STARD8: variants seen among roughly 807,000 people sequenced by gnomAD.
STARD8 encodes the protein stAR-related lipid transfer protein 8.
STARD8 carries 25 observed loss-of-function variants against 69.4 expected under a neutral mutation model. That is an observed-to-expected ratio of 0.36 (90% CI 0.26 to 0.50). The LOEUF (loss-of-function observed/expected upper bound fraction) is 0.50. Ranked by LOEUF, STARD8 falls within the 20% of genes least tolerant of loss-of-function variation. The pLI, the probability that STARD8 is intolerant of heterozygous loss-of-function variation, is 0.96. For missense variants in STARD8, 921 were observed against 932.5 expected, an observed-to-expected ratio of 0.99 and a Z score of 0.16; for synonymous variants, 389 against 374.6, an observed-to-expected ratio of 1.04 and a Z score of -0.45.
At chrX:68,672,721 C>A (rs116472318) in intron 2 of STARD8, among the ~76,000 whole-genome samples, 3 of 111,133 alleles carry the variant, frequency 2.7e-5, no homozygotes, top group Non-Finnish European at 3.8e-5. Context: ...GCGCCCCACC[C>A]CCCATGGCAG....
Position 68,647,765 on chromosome X carries a change from C to A in STARD8, c.-118C>A. ...CCCCTCGCGGGGCCGGCTCATGGAG[C>A]GCAGGGACCGGGCTGGCTCTCGCCG... On this transcript the variant is annotated 5_prime_UTR_variant, in exon 1 of 15. Transcript: ENST00000374599. The A allele has an allele frequency of 1.1e-6, 1 of 932,414 alleles. No homozygotes were observed. Among genetic ancestry groups the A allele is most frequent in the Non-Finnish European group, 1.5e-6 (1 of 682,468 alleles). The allele number at this position is 932,414 out of a possible 1,213,427, so 76.8% of individuals were successfully genotyped here. A position where few individuals can be genotyped will look rare whatever the true frequency, so the allele number is the denominator to read the frequency against.
chrX:68,661,905 CCTT>C, intron 1 of STARD8, among the ~76,000 whole-genome samples: 1 of 98,405 alleles, frequency 1.0e-5, no homozygotes, highest in Non-Finnish European at 2.0e-5. Context: ...TTCCTTCCTT[CCTT>C]CCTTCCTTCC....
At chrX:68,703,934 C>T (rs1280269765) in intron 2 of STARD8, among the ~76,000 whole-genome samples, 2 of 111,724 alleles carry the variant, frequency 1.8e-5, no homozygotes, top group Non-Finnish European at 3.8e-5. Flanking sequence ...TGGTTTCTGT[C>T]CTAGGGCAAG....
intron 2 of STARD8, among the ~76,000 whole-genome samples, chrX:68,676,271 C>A (rs1330771154): frequency 9.0e-6 from 1 of 111,700 alleles, no homozygotes; most frequent in Non-Finnish European, 1.9e-5. Flanking sequence ...TGGCCCGGCT[C>A]GCCTGAAAAT....
At chrX:68,716,893 G>A (rs1424211229) in intron 5 of STARD8, among the ~76,000 whole-genome samples, 2 of 112,561 alleles carry the variant, frequency 1.8e-5, no homozygotes, top group Non-Finnish European at 3.7e-5. Flanking sequence ...GGGAAGGTCT[G>A]TCACTGACTT....
intron 2 of STARD8, among the ~76,000 whole-genome samples, chrX:68,683,882 C>T (rs895309893): frequency 5.4e-5 from 6 of 111,924 alleles, no homozygotes; most frequent in Non-Finnish European, 7.5e-5. Flanking sequence ...TGATTACCAC[C>T]GTTATATATG....
In STARD8 at chrX:68,717,423, C is replaced by G; in HGVS notation, c.509C>G (p.Ala170Gly). ...VITVSLPPEPADLPLPGRAPS... is the reference protein window; with the variant it reads ...VITVSLPPEPGDLPLPGRAPS... ...ACCGTGAGCCTACCACCCGAGCCAG[C>G]AGACTTGCCCTTGCCAGGCCGTGCC... is the stretch of plus-strand genomic sequence containing the variant. The change falls in exon 6 of 15, where the codon GCA becomes GGA. Residue 170 changes from alanine to glycine, a missense_variant. Coordinates refer to ENST00000374599, the MANE Select transcript of STARD8 (RefSeq NM_001142503.3). 8.3e-7 allele frequency: 1 copy of G among 1,210,224 alleles called. No individual in the cohort carries two copies. The highest frequency in any genetic ancestry group is 1.1e-6 in the Non-Finnish European group (1 of 894,901).
intron 2 of STARD8, among the ~76,000 whole-genome samples, chrX:68,665,909 G>A (rs1390174957): frequency 2.7e-5 from 3 of 112,217 alleles, no homozygotes; most frequent in African/African-American, 9.7e-5. Flanking sequence ...GGTAAGTGGA[G>A]GGTAAAGGAA....
chrX:68,712,991 G>T lies in STARD8; in HGVS notation c.151+6G>T. On this transcript the variant is annotated splice_donor_region_variant and intron_variant, in intron 3 of 14. Transcript: ENST00000374599. Reference sequence around the variant, plus strand: ...GTATGTGCAGCTTTTTGAAGGTAAGGCCACTCAACTGTTTACCCTCCCATA... The same window carrying T: ...GTATGTGCAGCTTTTTGAAGGTAAGTCCACTCAACTGTTTACCCTCCCATA... 1 of 1,200,232 alleles carries T rather than the reference G, an allele frequency of 8.3e-7. No individual in the cohort carries two copies. Among genetic ancestry groups the T allele is most frequent in the East Asian group, 3.0e-5 (1 of 33,618 alleles).
At position 68,718,330 on chromosome X, in the gene STARD8, T is replaced by C. The variant is rs777940404; in HGVS notation, c.1416T>C (p.Ala472=). 2.7e-5 allele frequency: 33 copies of C among 1,209,705 alleles called. No individual in the cohort carries two copies. Among genetic ancestry groups the C allele is most frequent in the Non-Finnish European group, 3.6e-5 (32 of 894,546 alleles). The change falls in exon 6 of 15, where the codon GCT becomes GCC. Residue 472 remains alanine, a synonymous_variant. Transcript: ENST00000374599. ...PAVLAPAQAP[A]EAEPVAQEEA... The stretch of plus-strand genomic sequence containing the variant: ...TCCTGGCTCCGGCTCAGGCTCCAGC[T>C]GAGGCTGAACCAGTGGCACAGGAAG...
intron 2 of STARD8, among the ~76,000 whole-genome samples, chrX:68,679,219 C>T (rs1037593933): frequency 1.8e-5 from 2 of 111,449 alleles, no homozygotes; most frequent in African/African-American, 6.5e-5. Context: ...AAATTGAATC[C>T]TATGTGACAC....
At chrX:68,683,470 C>G (rs1479601297) in intron 2 of STARD8, among the ~76,000 whole-genome samples, 1 of 112,064 alleles carries the variant, frequency 8.9e-6, no homozygotes, top group Non-Finnish European at 1.9e-5. Context: ...TTCTCAGTGA[C>G]TAAGGGCCTA....
chrX:68,683,136 G>A (rs1359520808), intron 2 of STARD8, among the ~76,000 whole-genome samples: 1 of 112,032 alleles, frequency 8.9e-6, no homozygotes, highest in East Asian at 2.8e-4. Flanking sequence ...TGCCCTCAAG[G>A]AGCTGATCTT....
chrX:68,716,373 T>C lies in STARD8; in HGVS notation c.239T>C (p.Leu80Pro). Reference protein sequence around the residue: ...EDSLGALCRRLMTLNNCASMK... With the variant: ...EDSLGALCRRPMTLNNCASMK... The stretch of plus-strand genomic sequence containing the variant: ...ACACTTCCATTTTGTTACAGGAGGC[T>C]GATGACCTTGAATAATTGTGCCTCG... The change falls in exon 5 of 15, where the codon CTG (leucine) becomes CCG (proline). Residue 80 changes from leucine (L) to proline (P), a missense_variant. Physicochemically the swap from Leu to Pro is moderately conservative, Grantham distance 98. Coordinates refer to ENST00000374599, the MANE Select transcript of STARD8 (RefSeq NM_001142503.3). 8.3e-7 allele frequency: 1 copy of C among 1,210,833 alleles called. No individual in the cohort carries two copies. The highest frequency in any genetic ancestry group is 1.7e-5 in the African/African-American group (1 of 57,755).
At chrX:68,706,839 C>G (rs903290615) in intron 2 of STARD8, among the ~76,000 whole-genome samples, 1 of 113,192 alleles carries the variant, frequency 8.8e-6, no homozygotes, top group Non-Finnish European at 1.9e-5. Flanking sequence ...AAGAGGGGTC[C>G]CTCTCTAGGG....
At chrX:68,687,415 A>G (rs2079841029) in intron 2 of STARD8, among the ~76,000 whole-genome samples, 1 of 111,501 alleles carries the variant, frequency 9.0e-6, no homozygotes, top group Admixed American at 9.5e-5. Flanking sequence ...CTCTCTCGAG[A>G]CTCGAACTTC....
intron 2 of STARD8, among the ~76,000 whole-genome samples, chrX:68,704,069 A>G (rs1176637838): frequency 5.4e-5 from 6 of 111,880 alleles, no homozygotes; most frequent in Non-Finnish European, 1.1e-4. Context: ...GTGTGTTGCC[A>G]GAACATTCGG....
At chrX:68,701,693 G>A (rs1049982654) in intron 2 of STARD8, among the ~76,000 whole-genome samples, 8 of 112,020 alleles carry the variant, frequency 7.1e-5, no homozygotes, top group Non-Finnish European at 1.1e-4. Context: ...TGGGCAGTGG[G>A]GGTGGCAGTG....
At chrX:68,653,960 G>A (rs2079596097) in intron 1 of STARD8, among the ~76,000 whole-genome samples, 3 of 112,091 alleles carry the variant, frequency 2.7e-5, no homozygotes, top group African/African-American at 9.7e-5. Flanking sequence ...AGAGGGCACT[G>A]GCTTGGGAGG....
Sources: gnomAD v4.1 joint callset for allele counts (sites outside exome capture counted in the v4.1 genomes callset) on GRCh38, gnomAD v4.1.1 for gene constraint, MANE v1.5 for transcripts, NCBI Gene and HGNC (gene_info 2026-07-23, HGNC 2026-07-21) for gene names.